KCNK9: variants seen among roughly 807,000 people sequenced by gnomAD.
The protein encoded by KCNK9 is potassium two pore domain channel subfamily K member 9.
In KCNK9, 1 loss-of-function variant was observed where a neutral mutation model predicts 10.8. That is an observed-to-expected ratio of 0.09 (90% CI 0.03 to 0.44). KCNK9 has a LOEUF of 0.44. KCNK9 is among the 20% of genes least tolerant of loss of function. KCNK9 has a pLI of 0.97. For missense variants in KCNK9, 303 were observed against 515.0 expected, an observed-to-expected ratio of 0.59 and a Z score of 3.98; for synonymous variants, 231 against 222.7, an observed-to-expected ratio of 1.04 and a Z score of -0.33.
chr8:139,700,295 G>C (rs1311501239), intron 1 of KCNK9, among the ~76,000 whole-genome samples: 1 of 152,154 alleles, frequency 6.6e-6, no homozygotes, highest in Non-Finnish European at 1.5e-5. Flanking sequence ...AGCCTGTCAG[G>C]TAGTTATTGT....
At chr8:139,671,874 A>T (rs1428742868) in intron 1 of KCNK9, among the ~76,000 whole-genome samples, 2 of 152,124 alleles carry the variant, frequency 1.3e-5, no homozygotes, top group East Asian at 3.9e-4. Flanking sequence ...TCTTCTATTC[A>T]TAAGTATTTA....
intron 1 of KCNK9, among the ~76,000 whole-genome samples, chr8:139,689,324 C>T (rs1586694500): frequency 1.3e-5 from 2 of 152,220 alleles, no homozygotes; most frequent in South Asian, 2.1e-4. Flanking sequence ...AGCAAATCAT[C>T]TGAGAGCTAT....
intron 1 of KCNK9, among the ~76,000 whole-genome samples, chr8:139,681,414 A>G (rs1816685118): frequency 1.3e-5 from 2 of 152,342 alleles, no homozygotes; most frequent in South Asian, 4.1e-4. Context: ...GGACCATGTC[A>G]AGGCACCAGC....
At chr8:139,682,102 C>G (rs1341618170) in intron 1 of KCNK9, among the ~76,000 whole-genome samples, 2 of 152,210 alleles carry the variant, frequency 1.3e-5, no homozygotes, top group Non-Finnish European at 2.9e-5. Context: ...CCGAAAGAAG[C>G]CCTCCGAATG....
At chr8:139,668,949 T>C (rs1816366155) in intron 1 of KCNK9, among the ~76,000 whole-genome samples, 1 of 152,218 alleles carries the variant, frequency 6.6e-6, no homozygotes, top group Admixed American at 6.5e-5. Context: ...AGTTTCGGTC[T>C]AAGACACCAC....
At chr8:139,641,127 C>G (rs1275111045) in intron 1 of KCNK9, among the ~76,000 whole-genome samples, 1 of 152,204 alleles carries the variant, frequency 6.6e-6, no homozygotes, top group Non-Finnish European at 1.5e-5. Flanking sequence ...CCCTGAGGCT[C>G]TGACCAGGGT....
chr8:139,618,619 C>T lies in KCNK9; in HGVS notation c.764G>A (p.Arg255Gln), dbSNP rs747265379. 1 of 1,614,168 alleles carries T rather than the reference C, an allele frequency of 6.2e-7. No homozygotes were observed. The highest frequency in any genetic ancestry group is 8.5e-7 in the Non-Finnish European group (1 of 1,180,028). The change falls in exon 2 of 2, where the codon CGG (arginine) becomes CAG (glutamine). Residue 255 changes from arginine to glutamine, a missense_variant. Physicochemically the swap from Arg to Gln is conservative, Grantham distance 43 (BLOSUM62 1). Around this residue, in one of 5 missense-constraint regions of KCNK9, gnomAD observed 53 missense variants for 134.9 expected, o/e 0.39. Transcript: ENST00000520439. The surrounding 1 kb of genome is among the most constrained non-coding windows in gnomAD (Gnocchi z 7.9). ...GGATGCCCTCTCTTCAGCATCCCGC[C>T]GCTCATCCTCACTGTTCATGGTCAA... is the stretch of plus-strand genomic sequence containing the variant. ...RFLTMNSEDE[R>Q]RDAEERASLA...
chr8:139,698,727 C>T (rs556652492), intron 1 of KCNK9, among the ~76,000 whole-genome samples: 3 of 152,300 alleles, frequency 2.0e-5, no homozygotes, highest in Non-Finnish European at 2.9e-5. Flanking sequence ...GCCAGGTGCT[C>T]GCCCAGAGTG....
chr8:139,648,849 T>A (rs1253453457), intron 1 of KCNK9, among the ~76,000 whole-genome samples: 1 of 152,224 alleles, frequency 6.6e-6, no homozygotes, highest in Non-Finnish European at 1.5e-5. Flanking sequence ...CTGGGCTGGA[T>A]GGGGTGTCAT....
At chr8:139,666,669 G>A (rs767374179) in intron 1 of KCNK9, among the ~76,000 whole-genome samples, 44 of 152,394 alleles carry the variant, frequency 2.9e-4, no homozygotes, top group Non-Finnish European at 4.8e-4. Flanking sequence ...TACAGCAGGT[G>A]CTCAAATCCC....
Position 139,637,760 on chromosome 8 carries a change from TACAC to T in KCNK9, c.284-18665_284-18662del, listed in dbSNP as rs34018499. Among the ~76,000 whole-genome samples, 651 of 146,132 alleles carry T rather than the reference TACAC, an allele frequency of 4.5e-3. 2 individuals are homozygous for T. The highest frequency in any genetic ancestry group is 0.021 in the Middle Eastern group (6 of 286). Reference sequence around the variant, plus strand: ...GGATAGATCTTAAGTATTCCTACTCTACACACACACACACACACACACACAATAA... The same window carrying T: ...GGATAGATCTTAAGTATTCCTACTCTACACACACACACACACACACAATAA... On this transcript the variant is annotated intron_variant, in intron 1 of 1. Transcript: ENST00000520439.
intron 1 of KCNK9, among the ~76,000 whole-genome samples, chr8:139,674,025 A>C (rs1586682219): frequency 3.9e-5 from 6 of 152,280 alleles, no homozygotes; most frequent in African/African-American, 1.4e-4. Context: ...AACCCCCTGC[A>C]GTGTGCCAGG....
chr8:139,630,035 G>T (rs1458092728), intron 1 of KCNK9, among the ~76,000 whole-genome samples: 2 of 150,726 alleles, frequency 1.3e-5, no homozygotes, highest in Non-Finnish European at 3.0e-5. Flanking sequence ...CAGAAAGCAG[G>T]TTAGTGGTTG....
intron 1 of KCNK9, among the ~76,000 whole-genome samples, chr8:139,619,391 A>T (rs1563718060): frequency 6.6e-6 from 1 of 152,004 alleles, no homozygotes; most frequent in African/African-American, 2.4e-5. Context: ...AGAAGAACCA[A>T]TGTCACTTGC....
chr8:139,677,979 A>G (rs79802525), intron 1 of KCNK9, among the ~76,000 whole-genome samples: 1,356 of 129,516 alleles, frequency 0.01, 16 homozygotes, highest in Middle Eastern at 0.021. Flanking sequence ...GTAATACCTC[A>G]CATCCCAGCC....
chr8:139,648,830 G>A (rs556766965), intron 1 of KCNK9, among the ~76,000 whole-genome samples: 3 of 152,360 alleles, frequency 2.0e-5, no homozygotes, highest in Admixed American at 6.5e-5. Context: ...GAGGGCTGGA[G>A]TGAAGCCTCT....
chr8:139,671,959 A>G (rs1306346702), intron 1 of KCNK9, among the ~76,000 whole-genome samples: 1 of 152,142 alleles, frequency 6.6e-6, no homozygotes, highest in Non-Finnish European at 1.5e-5. Flanking sequence ...GTGCAGTGGG[A>G]GAGGCAGATG....
chr8:139,691,285 C>T (rs16911243), intron 1 of KCNK9, among the ~76,000 whole-genome samples: 14,722 of 152,246 alleles, frequency 0.097, 1,285 homozygotes, highest in African/African-American at 0.23. Context: ...AGGATTTCAC[C>T]GTGGATACCA....
chr8:139,663,649 G>A (rs1214148320), intron 1 of KCNK9, among the ~76,000 whole-genome samples: 3 of 2,872 alleles, frequency 1.0e-3, no homozygotes, highest in Non-Finnish European at 1.7e-3. Context: ...GCGTGCGCAC[G>A]TGTGTGTGTG....
Sources: gnomAD v4.1 joint callset for allele counts (sites outside exome capture counted in the v4.1 genomes callset) on GRCh38, gnomAD v4.1.1 for gene constraint, gnomAD v4.1.1 regional missense constraint, Gnocchi (gnomAD v3.1) non-coding constraint, MANE v1.5 for transcripts, NCBI Gene and HGNC (gene_info 2026-07-23, HGNC 2026-07-21) for gene names.